The following KLHDC1 variants were observed in gnomAD, a reference collection of about 807,000 sequenced individuals.
The protein encoded by KLHDC1 is kelch domain containing 1.
In KLHDC1, 53 loss-of-function variants were observed where a neutral mutation model predicts 68.3. The observed-to-expected ratio is 0.78, with a 90% confidence interval of 0.62 to 0.98. KLHDC1 has a LOEUF of 0.98. KLHDC1 is among the 50% of genes least tolerant of loss of function. KLHDC1 has a pLI of 0.00. For synonymous variants in KLHDC1, 148 were observed against 159.0 expected (o/e 0.93, Z 0.52); for missense variants, 470 against 492.3 (o/e 0.95, Z 0.43).
intron 4 of KLHDC1, among the ~76,000 whole-genome samples, chr14:49,722,797 C>G (rs560117816): frequency 6.6e-6 from 1 of 150,838 alleles, no homozygotes; most frequent in South Asian, 2.1e-4. Context: ...TTTTGAAAAC[C>G]ATCATATCAG....
chr14:49,749,363 A>G lies in KLHDC1; in HGVS notation c.1035-2223A>G, dbSNP rs866734417. ...AGTTAGTAATGGCTATATAGGTTCT[A>G]TCTCGTGGAAATACAGTTTATTGGC... is the stretch of plus-strand genomic sequence containing the variant. On this transcript the variant is annotated intron_variant, in intron 12 of 12. Coordinates refer to ENST00000359332, the MANE Select transcript of KLHDC1 (RefSeq NM_172193.3). 3.3e-5 allele frequency among the ~76,000 whole-genome samples: 5 copies of G among 152,114 alleles called. No homozygotes were observed. The East Asian group carries it at 7.7e-4, about 24-fold the overall frequency.
intron 1 of KLHDC1, among the ~76,000 whole-genome samples, chr14:49,694,665 C>T (rs1887681299): frequency 6.6e-6 from 1 of 152,010 alleles, no homozygotes; most frequent in Non-Finnish European, 1.5e-5. Context: ...ACCAGCCTGG[C>T]CAACATGGTG....
At chr14:49,735,759 C>A (rs1391743324) in intron 10 of KLHDC1, among the ~76,000 whole-genome samples, 1 of 152,118 alleles carries the variant, frequency 6.6e-6, no homozygotes, top group East Asian at 1.9e-4. Context: ...CCTATTAATC[C>A]CAGCAATTTG....
intron 8 of KLHDC1, among the ~76,000 whole-genome samples, chr14:49,732,380 C>T (rs1285651898): frequency 3.3e-5 from 5 of 152,012 alleles, no homozygotes; most frequent in Admixed American, 3.3e-4. Flanking sequence ...ACCATGCTGC[C>T]CAGTCTGGTC....
chr14:49,722,511 A>G (rs574023765), intron 4 of KLHDC1, among the ~76,000 whole-genome samples: 1 of 152,278 alleles, frequency 6.6e-6, no homozygotes, highest in South Asian at 2.1e-4. Flanking sequence ...AATTCAGTCT[A>G]TCATTGATGG....
At chr14:49,705,276 C>T (rs1300941828) in intron 1 of KLHDC1, among the ~76,000 whole-genome samples, 1 of 150,382 alleles carries the variant, frequency 6.6e-6, no homozygotes, top group Non-Finnish European at 1.5e-5. Flanking sequence ...GAATCATAAA[C>T]ATTTTAGACT....
intron 12 of KLHDC1, among the ~76,000 whole-genome samples, chr14:49,746,164 A>C (rs1469015756): frequency 2.6e-5 from 4 of 152,224 alleles, no homozygotes; most frequent in Non-Finnish European, 5.9e-5. Flanking sequence ...GGAGAAAGGC[A>C]GCAGTCTGAA....
chr14:49,715,733 C>G, intron 4 of KLHDC1, among the ~76,000 whole-genome samples: 1 of 71,514 alleles, frequency 1.4e-5, no homozygotes, highest in Middle Eastern at 0.011. Flanking sequence ...TGACAAGACT[C>G]TGTCTCAAAA....
In KLHDC1 at chr14:49,723,967, A is replaced by C. The variant is rs1888603495; in HGVS notation, c.483+15A>C. The C allele has an allele frequency of 6.7e-7, 1 of 1,495,900 alleles. No individual in the cohort carries two copies. The highest frequency in any genetic ancestry group is 1.2e-5 in the South Asian group (1 of 85,248). 92.7% of individuals were successfully genotyped at this position (1,495,900 alleles called of 1,614,324 possible). A position where few individuals can be genotyped will look rare whatever the true frequency, so the allele number is the denominator to read the frequency against. On this transcript the variant is annotated intron_variant, in intron 5 of 12. Coordinates refer to ENST00000359332, the MANE Select transcript of KLHDC1 (RefSeq NM_172193.3). ...ATGCATCTTGGGTAAGATAGTAATC[A>C]CTGTTTACATTTTCCTCCAAGTCAG...
rs575530837 is a variant in KLHDC1 at position 49,752,664 on chromosome 14, A to G, written c.*892A>G. ...CCACCATTCTACAGAGTTGTACTCA[A>G]GACAGATACTGAAAAAATCTAATAC... On this transcript the variant is annotated 3_prime_UTR_variant, in exon 13 of 13. Coordinates refer to ENST00000359332, the MANE Select transcript of KLHDC1 (RefSeq NM_172193.3). 1 of 151,830 alleles carries G rather than the reference A, an allele frequency of 6.6e-6. No homozygotes were observed. The highest frequency in any genetic ancestry group is 6.6e-5 in the Admixed American group (1 of 15,258). 9.4% of individuals were successfully genotyped at this position (151,830 alleles called of 1,614,324 possible).
intron 4 of KLHDC1, among the ~76,000 whole-genome samples, chr14:49,723,428 G>A (rs1336523361): frequency 1.3e-5 from 2 of 151,632 alleles, no homozygotes; most frequent in African/African-American, 4.8e-5. Flanking sequence ...GCTACTCAGA[G>A]GTCTGAGGCA....
chr14:49,697,554 A>G (rs975047786), intron 1 of KLHDC1, among the ~76,000 whole-genome samples: 2 of 152,240 alleles, frequency 1.3e-5, no homozygotes, highest in East Asian at 1.9e-4. Flanking sequence ...GACTTGCTCA[A>G]TGCAGGGTTG....
In KLHDC1 at chr14:49,751,710, G is replaced by A. The variant is rs1248817726; in HGVS notation, c.1159G>A (p.Glu387Lys). The A allele has an allele frequency of 1.2e-6, 2 of 1,605,626 alleles. No homozygotes were observed. Among genetic ancestry groups the A allele is most frequent in the East Asian group, 2.2e-5 (1 of 44,470 alleles). ...ITFWAAANHR[E>K]EQRVQKEETE... is the part of the protein sequence containing the mutation. The stretch of plus-strand genomic sequence containing the variant: ...ATTTTGGGCTGCAGCTAATCACCGA[G>A]AAGAACAAAGAGTCCAAAAAGAAGA... The change falls in exon 13 of 13, where the codon GAA becomes AAA. Residue 387 changes from glutamate (E) to lysine (K), a missense_variant. Coordinates refer to ENST00000359332, the MANE Select transcript of KLHDC1 (RefSeq NM_172193.3).
In KLHDC1 at chr14:49,729,531, C is replaced by T. The variant is rs138867521; in HGVS notation, c.693C>T (p.Thr231=). 1 of 1,609,756 alleles carries T rather than the reference C, an allele frequency of 6.2e-7. No homozygotes were observed. Among genetic ancestry groups the T allele is most frequent in the East Asian group, 2.2e-5 (1 of 44,740 alleles). ...ATTTGCACTATCTAAACCTAGACACCTGGACTTGGTCTGGAAGGTAAGTTT... is the reference window on the plus strand; with the variant it reads ...ATTTGCACTATCTAAACCTAGACACTTGGACTTGGTCTGGAAGGTAAGTTT... ...MNDLHYLNLD[T]WTWSGRITIN... Residue 231 remains threonine, a synonymous_variant, in exon 8 of 13, where the codon ACC becomes ACT. Coordinates refer to ENST00000359332, the MANE Select transcript of KLHDC1 (RefSeq NM_172193.3).
At chr14:49,743,894 G>A in intron 12 of KLHDC1, 89 bp downstream of exon 12, 1 of 754,292 alleles carries the variant, frequency 1.3e-6, no homozygotes, top group Non-Finnish European at 2.2e-6. Context: ...TATTTTTCAG[G>A]TTGCTTATGA....
At chr14:49,714,479 GA>G (rs548900933) in intron 4 of KLHDC1, among the ~76,000 whole-genome samples, 3 of 150,394 alleles carry the variant, frequency 2.0e-5, no homozygotes, top group Admixed American at 6.6e-5. Flanking sequence ...TCTCAAAAAC[GA>G]AAAAAAATCT....
rs771671775 is a variant in KLHDC1, at chr14:49,732,701, C to CA, written c.711-2dup. On this transcript the variant is annotated splice_polypyrimidine_tract_variant and splice_region_variant and intron_variant, in intron 8 of 12. Transcript: ENST00000359332. ...CTAGACTTTCTTTTTCTCCTTGCCA[C>CA]AGGATTACTATTAATGGAGAAAGCC... 1 of 1,438,900 alleles carries CA rather than the reference C, an allele frequency of 6.9e-7. No individual in the cohort carries two copies. The highest frequency in any genetic ancestry group is 2.3e-5 in the East Asian group (1 of 44,036). 89.1% of individuals were successfully genotyped at this position (1,438,900 alleles called of 1,614,324 possible).
intron 1 of KLHDC1, among the ~76,000 whole-genome samples, chr14:49,704,914 A>T (rs1888008119): frequency 6.6e-6 from 1 of 152,200 alleles, no homozygotes; most frequent in South Asian, 2.1e-4. Context: ...GAGCGTAACA[A>T]GATAGACAAG....
intron 1 of KLHDC1, among the ~76,000 whole-genome samples, chr14:49,694,129 G>C (rs940778117): frequency 1.3e-5 from 2 of 152,016 alleles, no homozygotes; most frequent in Admixed American, 1.3e-4. Flanking sequence ...CAAAATAGAC[G>C]CATGTTAGCA....
Sources: gnomAD v4.1 joint callset for allele counts (sites outside exome capture counted in the v4.1 genomes callset) on GRCh38, gnomAD v4.1.1 for gene constraint, MANE v1.5 for transcripts, NCBI Gene and HGNC (gene_info 2026-07-23, HGNC 2026-07-21) for gene names.